Variants in LAMB4 observed in about 807,000 individuals in gnomAD.
LAMB4 encodes laminin subunit beta 4.
LAMB4 carries 196 observed loss-of-function variants against 199.2 expected under a neutral mutation model. The ratio of observed to expected loss-of-function variants is 0.98; its 90% CI spans 0.88 to 1.11. The LOEUF (loss-of-function observed/expected upper bound fraction) is 1.11, where lower values mean the gene tolerates loss of function less well. LAMB4 is among the 50% of genes least tolerant of loss of function. The pLI is 0.00. For missense variants in LAMB4, 2,080 were observed against 2,171.2 expected (o/e 0.96, Z 0.83); for synonymous variants, 744 against 770.6 (o/e 0.97, Z 0.57).
chr7:108,118,701 A>T (rs112550220), intron 2 of LAMB4, among the ~76,000 whole-genome samples: 9 of 152,248 alleles, frequency 5.9e-5, no homozygotes, highest in African/African-American at 2.2e-4. Flanking sequence ...CATATAAAAC[A>T]TAGGAGAAAA....
At chr7:108,032,097 A>C (rs535624973) in intron 31 of LAMB4, among the ~76,000 whole-genome samples, 51 of 152,252 alleles carry the variant, frequency 3.3e-4, no homozygotes, top group African/African-American at 1.2e-3. Flanking sequence ...TCTTGTTTAA[A>C]GGCAATTTGT....
At position 108,023,717 on chromosome 7, in the gene LAMB4, T is replaced by C. The variant is rs559445134; in HGVS notation, c.*322A>G. 2.8e-5 allele frequency: 5 copies of C among 176,480 alleles called. No individual in the cohort carries two copies. The highest frequency in any genetic ancestry group is 5.9e-5 in the Non-Finnish European group (5 of 84,724). The allele number at this position is 176,480 out of a possible 1,614,324, so 10.9% of individuals were successfully genotyped here. A position where few individuals can be genotyped will look rare whatever the true frequency, so the allele number is the denominator to read the frequency against. On this transcript the variant is annotated 3_prime_UTR_variant, in exon 34 of 34. Transcript: ENST00000388781. ...TTTAGGTTTATCTGACTGAAATGAT[T>C]ATTAGTTAGTAGAGTACTTACTTAA...
intron 4 of LAMB4, among the ~76,000 whole-genome samples, chr7:108,111,459 G>A (rs988324011): frequency 6.6e-6 from 1 of 152,168 alleles, no homozygotes; most frequent in Admixed American, 6.5e-5. Context: ...TATTCATTCA[G>A]TTTACATCAG....
At chr7:108,113,038 C>G (rs1286793318) in intron 3 of LAMB4, among the ~76,000 whole-genome samples, 2 of 152,186 alleles carry the variant, frequency 1.3e-5, no homozygotes, top group Non-Finnish European at 2.9e-5. Flanking sequence ...AGTTGTTCTT[C>G]CTCCCAGCTA....
At chr7:108,120,612 T>G (rs2038564374) in intron 2 of LAMB4, among the ~76,000 whole-genome samples, 1 of 152,224 alleles carries the variant, frequency 6.6e-6, no homozygotes, top group South Asian at 2.1e-4. Flanking sequence ...GCAACCCACA[T>G]TCATATTTTG....
chr7:108,104,469 A>G (rs549765221), intron 9 of LAMB4, 30 bp downstream of exon 9: 1 of 1,613,182 alleles, frequency 6.2e-7, no homozygotes, highest in Non-Finnish European at 8.5e-7. Context: ...GAGCACACTC[A>G]GTCTATGCAG....
At chr7:108,049,283 T>A (rs780677912) in intron 27 of LAMB4, 43 bp downstream of exon 27, 4 of 1,103,000 alleles carry the variant, frequency 3.6e-6, no homozygotes, top group Middle Eastern at 2.8e-4. Context: ...ATATACCAAG[T>A]AAAAACCACA....
intron 22 of LAMB4, 47 bp from the exon 23 acceptor site, chr7:108,063,041 G>T: frequency 7.6e-7 from 1 of 1,307,698 alleles, no homozygotes; most frequent in Non-Finnish European, 1.0e-6. Context: ...TGATAAATGT[G>T]GCATTTAGCA....
intron 1 of LAMB4, among the ~76,000 whole-genome samples, chr7:108,127,508 G>A (rs985082418): frequency 2.0e-5 from 3 of 152,152 alleles, no homozygotes; most frequent in African/African-American, 7.2e-5. Context: ...ATCCTAGTTT[G>A]CCTGGGACTT....
Position 108,062,834 on chromosome 7 carries a change from G to T in LAMB4, c.3222C>A (p.Gly1074=), listed in dbSNP as rs148368044. The T allele has an allele frequency of 4.0e-5, 63 of 1,559,374 alleles. No individual in the cohort carries two copies. Among genetic ancestry groups the T allele is most frequent in the Middle Eastern group, 3.4e-4 (2 of 5,910 alleles). The stretch of plus-strand genomic sequence containing the variant: ...CACAGTCACATGACTGACATCCTCT[G>T]CCAGGGACCAGATTCCAGTATCCAT... ...CADGYWNLVP[G]RGCQSCDCDP... Residue 1074 remains glycine, a synonymous_variant, in exon 23 of 34, where the codon GGC becomes GGA. Coordinates refer to ENST00000388781, the MANE Select transcript of LAMB4 (RefSeq NM_007356.3).
chr7:108,023,928 G>A lies in LAMB4; in HGVS notation c.*111C>T, dbSNP rs1363514253. 2 of 881,974 alleles carry A rather than the reference G, an allele frequency of 2.3e-6. No individual in the cohort carries two copies. Among genetic ancestry groups the A allele is most frequent in the South Asian group, 2.5e-5 (1 of 39,338 alleles). The allele number at this position is 881,974 out of a possible 1,614,324, so 54.6% of individuals were successfully genotyped here. Reference sequence around the variant, plus strand: ...AGGTGTCTAATAAGGACAGGGTGTGGGGAAGGAAGGTAGAAGACATTGTCA... The same window carrying A: ...AGGTGTCTAATAAGGACAGGGTGTGAGGAAGGAAGGTAGAAGACATTGTCA... On this transcript the variant is annotated 3_prime_UTR_variant, in exon 34 of 34. Transcript: ENST00000388781.
intron 14 of LAMB4, among the ~76,000 whole-genome samples, chr7:108,082,424 T>C (rs424866): frequency 0.29 from 44,774 of 151,902 alleles, 7,898 homozygotes; most frequent in East Asian, 0.44. Flanking sequence ...TAACTGTCTA[T>C]TGGGGAAGGG....
chr7:108,031,358 A>G (rs1161572529), intron 31 of LAMB4, among the ~76,000 whole-genome samples: 2 of 142,380 alleles, frequency 1.4e-5, no homozygotes, highest in African/African-American at 5.1e-5. Context: ...GAAAAAAAAG[A>G]AAAAGGAAAA....
intron 11 of LAMB4, among the ~76,000 whole-genome samples, chr7:108,095,641 A>T (rs1480261896): frequency 2.0e-5 from 3 of 152,162 alleles, no homozygotes; most frequent in Non-Finnish European, 4.4e-5. Context: ...AGTGATGCTG[A>T]CCAGGCTGGT....
At position 108,024,016 on chromosome 7, in the gene LAMB4, A is replaced by G; in HGVS notation, c.*23T>C. The G allele has an allele frequency of 6.3e-7, 1 of 1,579,858 alleles. No homozygotes were observed. Among genetic ancestry groups the G allele is most frequent in the Non-Finnish European group, 8.6e-7 (1 of 1,168,066 alleles). Reference sequence around the variant, plus strand: ...CATCAGAAACCAGAAACAAAGGCACAAGCTTTTGCTCTTTAACTCTGCCTA... The same window carrying G: ...CATCAGAAACCAGAAACAAAGGCACGAGCTTTTGCTCTTTAACTCTGCCTA... On this transcript the variant is annotated 3_prime_UTR_variant, in exon 34 of 34. Transcript: ENST00000388781.
At chr7:108,063,724 G>A (rs762129670) in intron 22 of LAMB4, 37 bp downstream of exon 22, 3 of 1,532,928 alleles carry the variant, frequency 2.0e-6, no homozygotes, top group Non-Finnish European at 2.7e-6. Context: ...CTGTCACTCA[G>A]CTGACACATT....
At chr7:108,121,627 G>A (rs2038601714) in intron 2 of LAMB4, among the ~76,000 whole-genome samples, 2 of 152,006 alleles carry the variant, frequency 1.3e-5, no homozygotes, top group African/African-American at 4.8e-5. Flanking sequence ...GGGAGCACCT[G>A]TAATCCCAGC....
Position 108,045,804 on chromosome 7 carries a change from G to A in LAMB4, c.4327-1908C>T, listed in dbSNP as rs1241055856. On this transcript the variant is annotated intron_variant, in intron 28 of 33. Transcript: ENST00000388781. The stretch of plus-strand genomic sequence containing the variant: ...GATATTTGTTAAAGCAATGAAGAAC[G>A]ACATGTGAATGGAAAATGATGTGGC... Among the ~76,000 whole-genome samples, 7 of 152,288 alleles carry A rather than the reference G, an allele frequency of 4.6e-5. No homozygotes were observed. The South Asian group carries it at 1.0e-3, about 23-fold the overall frequency.
At chr7:108,018,703 TCAAAAA>T (rs1325612851), downstream of LAMB4, among the ~76,000 whole-genome samples, 2 of 151,928 alleles carry the variant, frequency 1.3e-5, no homozygotes, top group Non-Finnish European at 2.9e-5. Context: ...AGACTCCGTC[TCAAAAA>T]CAAAAACAAA....
Sources: gnomAD v4.1 joint callset for allele counts (sites outside exome capture counted in the v4.1 genomes callset) on GRCh38, gnomAD v4.1.1 for gene constraint, MANE v1.5 for transcripts, NCBI Gene and HGNC (gene_info 2026-07-23, HGNC 2026-07-21) for gene names.